Variants in OPRM1 observed in about 807,000 individuals in gnomAD.
OPRM1 encodes opioid receptor mu 1.
In OPRM1, 27 loss-of-function variants were observed where a neutral mutation model predicts 31.8. The observed-to-expected ratio is 0.85, with a 90% CI of 0.63 to 1.17. OPRM1 has a LOEUF of 1.17. Ranked by LOEUF, OPRM1 falls within the 50% of genes most tolerant of loss-of-function variation. The pLI is 0.00. For synonymous variants in OPRM1, 196 were observed against 189.9 expected, an observed-to-expected ratio of 1.03 and a Z score of -0.26; for missense variants, 536 against 511.1, an observed-to-expected ratio of 1.05 and a Z score of -0.47.
intron 3 of OPRM1, among the ~76,000 whole-genome samples, chr6:154,179,005 C>T (rs13437608): frequency 0.078 from 11,937 of 152,260 alleles, 628 homozygotes; most frequent in African/African-American, 0.14. Context: ...TACAACATAT[C>T]ACTAAATACT....
At chr6:154,022,244 C>T (rs73788953) in intron 1 of OPRM1, among the ~76,000 whole-genome samples, 4,353 of 152,156 alleles carry the variant, frequency 0.029, 200 homozygotes, top group African/African-American at 0.1. Flanking sequence ...ATGTGATTTT[C>T]CTTCTTTAGC....
At chr6:154,112,119 T>A (rs910989753) in intron 3 of OPRM1, among the ~76,000 whole-genome samples, 2 of 151,976 alleles carry the variant, frequency 1.3e-5, no homozygotes, top group African/African-American at 2.4e-5. Context: ...CAGCAGAGAG[T>A]TGTGTTACAT....
intron 3 of OPRM1, among the ~76,000 whole-genome samples, chr6:154,139,172 G>T (rs578074834): frequency 6.6e-6 from 1 of 152,194 alleles, no homozygotes; most frequent in African/African-American, 2.4e-5. Flanking sequence ...TCCCTATTGC[G>T]ATTCCCCAGT....
chr6:154,054,367 CAAAA>C (rs1194794442), intron 1 of OPRM1, among the ~76,000 whole-genome samples: 4 of 53,052 alleles, frequency 7.5e-5, no homozygotes, highest in Non-Finnish European at 1.2e-4. Context: ...GACTCCGTCT[CAAAA>C]AAAAAAAAAA....
intron 1 of OPRM1, among the ~76,000 whole-genome samples, chr6:154,027,957 A>G (rs1349528285): frequency 6.6e-6 from 1 of 152,028 alleles, no homozygotes; most frequent in Non-Finnish European, 1.5e-5. Flanking sequence ...CCTACTAAGT[A>G]CTCTACCCCA....
intron 3 of OPRM1, among the ~76,000 whole-genome samples, chr6:154,227,161 A>C (rs2128621985): frequency 6.6e-6 from 1 of 152,164 alleles, no homozygotes; most frequent in South Asian, 2.1e-4. Flanking sequence ...CCAAGACCGC[A>C]CCACTGCACT....
chr6:154,207,220 G>T (rs1480319566), intron 3 of OPRM1, among the ~76,000 whole-genome samples: 1 of 152,218 alleles, frequency 6.6e-6, no homozygotes, highest in Non-Finnish European at 1.5e-5. Flanking sequence ...AGGAGAGCAG[G>T]CTGTGAATGA....
Position 154,188,829 on chromosome 6 carries a change from G to A in OPRM1, c.1165-57864G>A, listed in dbSNP as rs78754466. On this transcript the variant is annotated intron_variant, in intron 3 of 3. Coordinates refer to the OPRM1 transcript ENST00000337049. ...TTTGCATATGGAGTAAGATGATATT[G>A]TATCTCATTCATGGAACACATCAAA... Among the ~76,000 whole-genome samples the A allele has an allele frequency of 6.4e-3, 976 of 152,236 alleles. 36 individuals carry two copies. The East Asian group carries it at 0.086, about 13-fold the overall frequency.
rs1041256683 is a variant in OPRM1 at position 154,168,457 on chromosome 6, G to C, written c.1164+76985G>C. ...GTCCAAACTCCCCCTATTTATGAGG[G>C]TATCAGTCATGTTGGATTAGAAACC... is the stretch of plus-strand genomic sequence containing the variant. On this transcript the variant is annotated intron_variant, in intron 3 of 3. Transcript: ENST00000337049. This position sits in a 1 kb window ranked among gnomAD's most constrained non-coding sequence, Gnocchi z 4.1. 6.6e-6 allele frequency among the ~76,000 whole-genome samples: 1 copy of C among 151,994 alleles called. No homozygotes were observed. The highest frequency in any genetic ancestry group is 1.5e-5 in the Non-Finnish European group (1 of 68,008).
intron 3 of OPRM1, among the ~76,000 whole-genome samples, chr6:154,197,791 TC>T (rs1398331178): frequency 6.6e-6 from 1 of 152,212 alleles, no homozygotes; most frequent in Non-Finnish European, 1.5e-5. Context: ...GATTTTATTC[TC>T]TAGTATGTTT....
chr6:154,188,909 C>T (rs1801618707), intron 3 of OPRM1, among the ~76,000 whole-genome samples: 1 of 151,718 alleles, frequency 6.6e-6, no homozygotes, highest in Non-Finnish European at 1.5e-5. Flanking sequence ...TTTAAGATAC[C>T]AGTGTAGGGA....
At chr6:154,186,005 C>T (rs536615035) in intron 3 of OPRM1, among the ~76,000 whole-genome samples, 4 of 152,290 alleles carry the variant, frequency 2.6e-5, no homozygotes, top group South Asian at 2.1e-4. Context: ...GTGTTCTTTG[C>T]GGCCTATCAA....
intron 3 of OPRM1, among the ~76,000 whole-genome samples, chr6:154,203,242 T>C (rs990814061): frequency 2.0e-5 from 3 of 152,114 alleles, no homozygotes; most frequent in Non-Finnish European, 2.9e-5. Flanking sequence ...CTGGTAAATA[T>C]GAGCCCAACC....
Position 154,131,354 on chromosome 6 carries a change from A to G in OPRM1, c.*12633A>G, listed in dbSNP as rs1275543560. ...CTATTTTTCCTCTCCAGGAATAAGAATGGCAACTGAATTGTTCCTTCTTTA... is the reference window on the plus strand; with the variant it reads ...CTATTTTTCCTCTCCAGGAATAAGAGTGGCAACTGAATTGTTCCTTCTTTA... On this transcript the variant is annotated 3_prime_UTR_variant, in exon 4 of 4. Coordinates refer to ENST00000330432, the MANE Select transcript of OPRM1 (RefSeq NM_000914.5). 6.6e-6 allele frequency among the ~76,000 whole-genome samples: 1 copy of G among 152,240 alleles called. No individual in the cohort carries two copies. Among genetic ancestry groups the G allele is most frequent in the Non-Finnish European group, 1.5e-5 (1 of 68,044 alleles).
chr6:154,187,327 TATC>T (rs1259555997), intron 3 of OPRM1, among the ~76,000 whole-genome samples: 1 of 152,178 alleles, frequency 6.6e-6, no homozygotes, highest in Non-Finnish European at 1.5e-5. Context: ...CCACCGAATC[TATC>T]ATACGTGCTG....
At chr6:154,093,645 GTAT>G in intron 3 of OPRM1, 2 of 1,017,318 alleles carry the variant, frequency 2.0e-6, no homozygotes, top group Non-Finnish European at 2.7e-6. Flanking sequence ...CTATGAAGCA[GTAT>G]CAGTGTAAGA....
At position 154,125,306 on chromosome 6, in the gene OPRM1, G is replaced by A. The variant is rs1797524771; in HGVS notation, c.*6585G>A. On this transcript the variant is annotated 3_prime_UTR_variant, in exon 4 of 4. Coordinates refer to ENST00000330432, the MANE Select transcript of OPRM1 (RefSeq NM_000914.5). ...CTATCATGCATCTCAATGATTTGTT[G>A]TCATCCAAAGCTATTTCATGAATCA... Among the ~76,000 whole-genome samples, 1 of 152,048 alleles carries A rather than the reference G, an allele frequency of 6.6e-6. No individual in the cohort carries two copies. Among genetic ancestry groups the A allele is most frequent in the Non-Finnish European group, 1.5e-5 (1 of 68,002 alleles).
At chr6:154,177,225 T>C (rs1414856734) in intron 3 of OPRM1, among the ~76,000 whole-genome samples, 1 of 152,170 alleles carries the variant, frequency 6.6e-6, no homozygotes, top group Non-Finnish European at 1.5e-5. Flanking sequence ...GACATAGGCA[T>C]GGGCAAAGAC....
chr6:154,118,857 T>C lies in OPRM1; in HGVS notation c.*136T>C. The C allele has an allele frequency of 6.6e-7, 1 of 1,505,090 alleles. No homozygotes were observed. Among genetic ancestry groups the C allele is most frequent in the Non-Finnish European group, 8.8e-7 (1 of 1,135,954 alleles). 93.2% of individuals were successfully genotyped at this position (1,505,090 alleles called of 1,614,324 possible). A position where few individuals can be genotyped will look rare whatever the true frequency, so the allele number is the denominator to read the frequency against. On this transcript the variant is annotated 3_prime_UTR_variant, in exon 4 of 4. Transcript: ENST00000330432. ...CTTTTAGGTCATCCAACCTCTTTCC[T>C]CTCTGGCCACTCTGCTCTGCACATT... is the stretch of plus-strand genomic sequence containing the variant.
Sources: gnomAD v4.1 joint callset for allele counts (sites outside exome capture counted in the v4.1 genomes callset) on GRCh38, gnomAD v4.1.1 for gene constraint, Gnocchi (gnomAD v3.1) non-coding constraint, MANE v1.5 for transcripts, NCBI Gene and HGNC (gene_info 2026-07-23, HGNC 2026-07-21) for gene names.